The following ANKS1A variants were observed in gnomAD, a reference collection of about 807,000 sequenced individuals.
ANKS1A encodes ankyrin repeat and sterile alpha motif domain containing 1A, also known as ankyrin repeat and SAM domain-containing protein 1A.
ANKS1A carries 55 observed loss-of-function variants against 120.3 expected under a neutral mutation model. The observed-to-expected ratio is 0.46, with a 90% CI of 0.37 to 0.57. ANKS1A has a LOEUF of 0.57. Among genes scored for constraint, ANKS1A ranks in the 20% least tolerant of loss-of-function variants. The pLI is 0.00. For synonymous variants in ANKS1A, 590 were observed against 604.7 expected, an observed-to-expected ratio of 0.98 and a Z score of 0.36; for missense variants, 1,123 against 1,480.3, an observed-to-expected ratio of 0.76 and a Z score of 3.96.
chr6:34,982,622 GATA>G lies in ANKS1A; in HGVS notation c.733-127_733-125del. 1.1e-6 allele frequency: 1 copy of G among 935,420 alleles called. No individual in the cohort carries two copies. Among genetic ancestry groups the G allele is most frequent in the Non-Finnish European group, 1.7e-6 (1 of 597,680 alleles). The allele number at this position is 935,420 out of a possible 1,614,324, so 57.9% of individuals were successfully genotyped here. A position where few individuals can be genotyped will look rare whatever the true frequency, so the allele number is the denominator to read the frequency against. On this transcript the variant is annotated intron_variant, in intron 4 of 23. Coordinates refer to ENST00000360359, the MANE Select transcript of ANKS1A (RefSeq NM_015245.3). The surrounding 1 kb of genome is among the most constrained non-coding windows in gnomAD (Gnocchi z 4.9). ...GAATCCACACAAGAAAAGCTGGAAA[GATA>G]ATGACAGAGGGCTTTGTGTAGTTTG...
Position 34,905,251 on chromosome 6 carries a change from C to G in ANKS1A, c.197+15652C>G, listed in dbSNP as rs141832670. 3.0e-3 allele frequency among the ~76,000 whole-genome samples: 455 copies of G among 152,384 alleles called. 2 individuals are homozygous for G. The highest frequency in any genetic ancestry group is 0.01 in the African/African-American group (427 of 41,586). On this transcript the variant is annotated intron_variant, in intron 1 of 23. Coordinates refer to ENST00000360359, the MANE Select transcript of ANKS1A (RefSeq NM_015245.3). ...CACTTACCACATCATGCTCACCACT[C>G]TTCCTCTGATCCAGCCTGGTGGAGT...
chr6:35,018,067 C>T lies in ANKS1A; in HGVS notation c.2010+8C>T, dbSNP rs756940385. Reference sequence around the variant, plus strand: ...GCCTCGGAGTGGGATGAGGTAAGGCCGACATGACGTCACAGGGAGCTGGGC... The same window carrying T: ...GCCTCGGAGTGGGATGAGGTAAGGCTGACATGACGTCACAGGGAGCTGGGC... On this transcript the variant is annotated splice_region_variant and intron_variant, in intron 11 of 23. Transcript: ENST00000360359. 4.3e-6 allele frequency: 7 copies of T among 1,610,338 alleles called. No homozygotes were observed. In the African/African-American group the frequency reaches 5.3e-5, roughly 12 times the overall value.
intron 5 of ANKS1A, 100 bp from the exon 6 acceptor site, chr6:34,983,012 TG>T: frequency 7.7e-7 from 1 of 1,307,092 alleles, no homozygotes; most frequent in African/African-American, 1.5e-5. Flanking sequence ...TGAAAAATGT[TG>T]GCCATGCTGC....
intron 1 of ANKS1A, among the ~76,000 whole-genome samples, chr6:34,928,619 C>A (rs1768829376): frequency 6.6e-6 from 1 of 152,096 alleles, no homozygotes; most frequent in African/African-American, 2.4e-5. Flanking sequence ...TCACAACCCA[C>A]CCCTATTAGG....
chr6:34,981,552 G>T, intron 3 of ANKS1A, 138 bp from the exon 4 acceptor site: 1 of 915,792 alleles, frequency 1.1e-6, no homozygotes, highest in Non-Finnish European at 1.6e-6. Flanking sequence ...AGTATGTCTG[G>T]ATTCCGACTT....
intron 1 of ANKS1A, among the ~76,000 whole-genome samples, chr6:34,905,098 A>G (rs1322618694): frequency 1.3e-5 from 2 of 152,382 alleles, no homozygotes; most frequent in East Asian, 3.9e-4. Flanking sequence ...GGCGGGAGCC[A>G]CTGTGCCCGG....
At chr6:35,068,875 G>A (rs1257396945) in intron 13 of ANKS1A, among the ~76,000 whole-genome samples, 3 of 152,190 alleles carry the variant, frequency 2.0e-5, no homozygotes, top group Non-Finnish European at 4.4e-5. Flanking sequence ...GGTGGAGGGG[G>A]CTGCCGGCCG....
chr6:34,989,202 T>C (rs1358632782), intron 8 of ANKS1A, 22 bp from the exon 9 acceptor site: 2 of 1,607,262 alleles, frequency 1.2e-6, no homozygotes, highest in Admixed American at 1.7e-5. Flanking sequence ...TCGCAAAATA[T>C]TTATTTTTTT....
chr6:35,088,934 C>T lies in ANKS1A; in HGVS notation c.*325C>T. The T allele has an allele frequency of 1.4e-5, 19 of 1,310,662 alleles. No homozygotes were observed. Among genetic ancestry groups the T allele is most frequent in the Non-Finnish European group, 1.9e-5 (19 of 1,022,720 alleles). 81.2% of individuals were successfully genotyped at this position (1,310,662 alleles called of 1,614,324 possible). A position where few individuals can be genotyped will look rare whatever the true frequency, so the allele number is the denominator to read the frequency against. On this transcript the variant is annotated 3_prime_UTR_variant, in exon 24 of 24. Coordinates refer to ENST00000360359, the MANE Select transcript of ANKS1A (RefSeq NM_015245.3). ...TGAACTTTTAACACTTGGCTCAAAC[C>T]TCTAGGTCATACTGCCAATCTTTAG...
At chr6:34,902,525 G>A (rs528178238) in intron 1 of ANKS1A, among the ~76,000 whole-genome samples, 1 of 152,164 alleles carries the variant, frequency 6.6e-6, no homozygotes, top group Admixed American at 6.5e-5. Flanking sequence ...TGGGTTTACA[G>A]GCGTGAGCTA....
chr6:35,042,323 A>G (rs1478523527), intron 11 of ANKS1A, among the ~76,000 whole-genome samples: 4 of 152,192 alleles, frequency 2.6e-5, no homozygotes, highest in African/African-American at 4.8e-5. Context: ...TGGGTTAGCC[A>G]CCATGTCTCC....
chr6:34,957,215 A>G lies in ANKS1A; in HGVS notation c.198-10024A>G, dbSNP rs1413538921. Among the ~76,000 whole-genome samples the G allele has an allele frequency of 3.9e-5, 6 of 152,312 alleles. No homozygotes were observed. In the East Asian group the frequency reaches 9.6e-4, roughly 24 times the overall value. On this transcript the variant is annotated intron_variant, in intron 1 of 23. Coordinates refer to ENST00000360359, the MANE Select transcript of ANKS1A (RefSeq NM_015245.3). ...AGAGCAGAAATAAAAGTACATGCTCAGTTTGTTAACTGAACTCTTTTGGCA... is the reference window on the plus strand; with the variant it reads ...AGAGCAGAAATAAAAGTACATGCTCGGTTTGTTAACTGAACTCTTTTGGCA...
intron 1 of ANKS1A, among the ~76,000 whole-genome samples, chr6:34,933,741 G>A (rs1234091591): frequency 6.6e-6 from 1 of 152,160 alleles, no homozygotes; most frequent in Non-Finnish European, 1.5e-5. Flanking sequence ...GCATACCAGT[G>A]TTCTAGTTTC....
chr6:35,090,090 TCTATCTG>T lies in ANKS1A; in HGVS notation c.*1485_*1491del. On this transcript the variant is annotated 3_prime_UTR_variant, in exon 24 of 24. Coordinates refer to ENST00000360359, the MANE Select transcript of ANKS1A (RefSeq NM_015245.3). Reference sequence around the variant, plus strand: ...GGCTAGAGGCCAGGCCTTGTGGGTTTCTATCTGCTAAGCACCCAGCAGGTTGGGGCCT... The same window carrying T: ...GGCTAGAGGCCAGGCCTTGTGGGTTTCTAAGCACCCAGCAGGTTGGGGCCT... 1 of 1,286,362 alleles carries T rather than the reference TCTATCTG, an allele frequency of 7.8e-7. No homozygotes were observed. The highest frequency in any genetic ancestry group is 2.3e-5 in the Admixed American group (1 of 43,412). 79.7% of individuals were successfully genotyped at this position (1,286,362 alleles called of 1,614,324 possible).
At chr6:34,923,989 A>G (rs1440178204) in intron 1 of ANKS1A, among the ~76,000 whole-genome samples, 2 of 152,144 alleles carry the variant, frequency 1.3e-5, no homozygotes, top group Non-Finnish European at 2.9e-5. Flanking sequence ...GAGGTTGCAA[A>G]AAAATTAGCT....
Position 35,088,600 on chromosome 6 carries a change from G to A in ANKS1A, c.3402-6G>A. The A allele has an allele frequency of 6.2e-7, 1 of 1,614,206 alleles. No homozygotes were observed. Among genetic ancestry groups the A allele is most frequent in the Non-Finnish European group, 8.5e-7 (1 of 1,180,034 alleles). On this transcript the variant is annotated splice_polypyrimidine_tract_variant and splice_region_variant and intron_variant, in intron 23 of 23. Transcript: ENST00000360359. Reference sequence around the variant, plus strand: ...TTTCCTCCCCCCATTGTTTGCTTCTGCCAAGCTGAGCCACTGAGGAACCAC... The same window carrying A: ...TTTCCTCCCCCCATTGTTTGCTTCTACCAAGCTGAGCCACTGAGGAACCAC...
In ANKS1A at chr6:34,981,005, C is replaced by G. The variant is rs182635325; in HGVS notation, c.436-685C>G. Among the ~76,000 whole-genome samples, 23 of 152,308 alleles carry G rather than the reference C, an allele frequency of 1.5e-4. No homozygotes were observed. In the East Asian group the frequency reaches 4.4e-3, roughly 29 times the overall value. ...AAGAAACATCTTCCCGTGCTGGCTG[C>G]CATTTTAATGAAGTAGATACTGCAT... is the stretch of plus-strand genomic sequence containing the variant. On this transcript the variant is annotated intron_variant, in intron 3 of 23. Transcript: ENST00000360359.
chr6:34,935,372 C>T (rs1769197097), intron 1 of ANKS1A, among the ~76,000 whole-genome samples: 1 of 152,230 alleles, frequency 6.6e-6, no homozygotes, highest in African/African-American at 2.4e-5. Context: ...CAGGCGTGAG[C>T]CACTTGGCCT....
chr6:34,905,014 TTGGCCAGGC>T (rs1767573477), intron 1 of ANKS1A, among the ~76,000 whole-genome samples: 1 of 152,244 alleles, frequency 6.6e-6, no homozygotes, highest in South Asian at 2.1e-4. Flanking sequence ...TTTCGCCATG[TTGGCCAGGC>T]TGGTCTTGAA....
Sources: allele counts gnomAD v4.1 joint callset (sites outside exome capture counted in the v4.1 genomes callset), GRCh38; gene constraint gnomAD v4.1.1; non-coding constraint Gnocchi (gnomAD v3.1); transcripts MANE v1.5; gene names NCBI Gene and HGNC (gene_info 2026-07-23, HGNC 2026-07-21).